The following GALNT13 variants were observed in gnomAD, a reference collection of about 807,000 sequenced individuals.
The protein encoded by GALNT13 is polypeptide N-acetylgalactosaminyltransferase 13.
In GALNT13, 28 loss-of-function variants were observed where a neutral mutation model predicts 64.2. The ratio of observed to expected loss-of-function variants is 0.44; its 90% CI spans 0.32 to 0.60. The LOEUF is 0.60. Among genes scored for constraint, GALNT13 ranks in the 20% least tolerant of loss-of-function variants. GALNT13 has a pLI of 0.05. For missense variants in GALNT13, 577 were observed against 669.8 expected, an observed-to-expected ratio of 0.86 and a Z score of 1.53; for synonymous variants, 214 against 224.6, an observed-to-expected ratio of 0.95 and a Z score of 0.42.
chr2:153,216,017 C>T, the GALNT13 span, among the ~76,000 whole-genome samples: 1 of 151,912 alleles, frequency 6.6e-6, no homozygotes, highest in Non-Finnish European at 1.5e-5. Flanking sequence ...ATGGTAACTG[C>T]AAATCTGTTT....
At chr2:153,877,487 ATAG>A (rs937453611) in intron 1 of GALNT13, among the ~76,000 whole-genome samples, 4 of 152,192 alleles carry the variant, frequency 2.6e-5, no homozygotes, top group Non-Finnish European at 5.9e-5. Flanking sequence ...CATCTTGAAG[ATAG>A]TAGTAAATGT....
the GALNT13 span, among the ~76,000 whole-genome samples, chr2:153,520,023 C>T: frequency 6.6e-6 from 1 of 152,114 alleles, no homozygotes; most frequent in Non-Finnish European, 1.5e-5. Context: ...TAATCTCTCT[C>T]CCTGTAGGGC....
At chr2:153,068,424 T>G in the GALNT13 span, among the ~76,000 whole-genome samples, 1 of 152,194 alleles carries the variant, frequency 6.6e-6, no homozygotes, top group Non-Finnish European at 1.5e-5. Context: ...TGAAGAGATG[T>G]TTACTGAGGT....
At chr2:153,756,987 C>T in the GALNT13 span, among the ~76,000 whole-genome samples, 1 of 151,848 alleles carries the variant, frequency 6.6e-6, no homozygotes, top group Non-Finnish European at 1.5e-5. Flanking sequence ...TTTTAAAGAA[C>T]GTTTATTTAT....
chr2:153,144,983 G>C, the GALNT13 span, among the ~76,000 whole-genome samples: 51 of 151,712 alleles, frequency 3.4e-4, no homozygotes, highest in Admixed American at 3.4e-3. Context: ...ATATGTACTA[G>C]CCATTATTCT....
chr2:154,052,370 T>C (rs1367369247), intron 3 of GALNT13, among the ~76,000 whole-genome samples: 5 of 152,220 alleles, frequency 3.3e-5, no homozygotes, highest in African/African-American at 4.8e-5. Context: ...TTCTTGCACC[T>C]TCAAATGACC....
the GALNT13 span, among the ~76,000 whole-genome samples, chr2:153,854,393 A>G: frequency 1.3e-5 from 2 of 152,044 alleles, no homozygotes; most frequent in African/African-American, 2.4e-5. Flanking sequence ...CAGCCTGGCT[A>G]ACATGGTGAA....
At chr2:154,031,084 T>C (rs537181535) in intron 3 of GALNT13, among the ~76,000 whole-genome samples, 90 of 152,210 alleles carry the variant, frequency 5.9e-4, no homozygotes, top group Non-Finnish European at 1.1e-3. Flanking sequence ...CAATGCGATA[T>C]TTATTTATCT....
chr2:153,376,612 C>A, the GALNT13 span, among the ~76,000 whole-genome samples: 1 of 151,708 alleles, frequency 6.6e-6, no homozygotes. Flanking sequence ...GACTGACTGC[C>A]AGAAAAAAGA....
chr2:153,441,215 C>T, the GALNT13 span, among the ~76,000 whole-genome samples: 4 of 152,140 alleles, frequency 2.6e-5, no homozygotes, highest in Admixed American at 6.5e-5. Flanking sequence ...ATCCTCTCCT[C>T]ATTGCTTGTT....
the GALNT13 span, among the ~76,000 whole-genome samples, chr2:153,384,129 T>C: frequency 5.3e-5 from 8 of 152,048 alleles, no homozygotes; most frequent in Admixed American, 5.3e-4. Context: ...ATTCAATGAC[T>C]TCTCTCTCCA....
chr2:154,237,707 T>C (rs1689270275), intron 4 of GALNT13, among the ~76,000 whole-genome samples: 1 of 151,624 alleles, frequency 6.6e-6, no homozygotes, highest in African/African-American at 2.4e-5. Context: ...TGTCTGAAAT[T>C]AGCATGAGTT....
chr2:154,110,987 C>A (rs1483446594), intron 3 of GALNT13, among the ~76,000 whole-genome samples: 2 of 152,060 alleles, frequency 1.3e-5, no homozygotes, highest in East Asian at 3.9e-4. Context: ...GTCAATAAAT[C>A]TTATGTCACA....
the GALNT13 span, among the ~76,000 whole-genome samples, chr2:153,626,092 C>T: frequency 2.6e-5 from 4 of 152,062 alleles, no homozygotes; most frequent in Non-Finnish European, 5.9e-5. Context: ...CTGTAAGAGA[C>T]ACTACCTTAA....
intron 2 of GALNT13, among the ~76,000 whole-genome samples, chr2:153,921,818 C>T (rs1430955273): frequency 6.6e-6 from 1 of 151,950 alleles, no homozygotes; most frequent in Admixed American, 6.6e-5. Context: ...CAAATATATC[C>T]TGCAGAGCCA....
the GALNT13 span, among the ~76,000 whole-genome samples, chr2:153,721,899 G>A: frequency 0.012 from 1,739 of 150,546 alleles, 51 homozygotes; most frequent in African/African-American, 0.041. Flanking sequence ...ACAGATCAAC[G>A]AGACAGAAAG....
At chr2:153,894,754 TCA>T (rs1318923872) in intron 1 of GALNT13, among the ~76,000 whole-genome samples, 4 of 152,094 alleles carry the variant, frequency 2.6e-5, no homozygotes, top group African/African-American at 9.7e-5. Context: ...AGTAAATAAC[TCA>T]GAGTTAATGT....
the GALNT13 span, among the ~76,000 whole-genome samples, chr2:153,554,656 ATG>A: frequency 1.5e-3 from 226 of 145,974 alleles, no homozygotes; most frequent in South Asian, 4.5e-3. Context: ...GATGCTGTAT[ATG>A]TGTGTGTGTG....
the GALNT13 span, among the ~76,000 whole-genome samples, chr2:153,780,333 A>G: frequency 3.3e-5 from 5 of 150,498 alleles, no homozygotes; most frequent in Middle Eastern, 6.4e-3. Context: ...CGTTTAACCT[A>G]CTTCTGGAAC....
Sources: gnomAD v4.1 joint callset for allele counts (sites outside exome capture counted in the v4.1 genomes callset) on GRCh38, gnomAD v4.1.1 for gene constraint, MANE v1.5 for transcripts, NCBI Gene and HGNC (gene_info 2026-07-23, HGNC 2026-07-21) for gene names.